L3MBTL4: variants seen among roughly 807,000 people sequenced by gnomAD.
L3MBTL4 encodes lethal(3)malignant brain tumor-like protein 4.
L3MBTL4 carries 70 observed loss-of-function variants against 84.5 expected under a neutral mutation model. The ratio of observed to expected loss-of-function variants is 0.83; its 90% CI spans 0.68 to 1.01. The LOEUF is 1.01. Ranked by LOEUF, L3MBTL4 falls within the 50% of genes least tolerant of loss-of-function variation. The pLI is 0.00. For missense variants in L3MBTL4, 715 were observed against 754.8 expected (o/e 0.95, Z 0.62); for synonymous variants, 274 against 259.8 (o/e 1.05, Z -0.52).
intron 16 of L3MBTL4, among the ~76,000 whole-genome samples, chr18:6,065,316 T>C (rs2057365910): frequency 6.6e-6 from 1 of 152,042 alleles, no homozygotes; most frequent in African/African-American, 2.4e-5. Flanking sequence ...TTTTCTTTTT[T>C]TTGTTATGTC....
At chr18:6,176,396 T>C (rs1250944477) in intron 12 of L3MBTL4, among the ~76,000 whole-genome samples, 1 of 152,102 alleles carries the variant, frequency 6.6e-6, no homozygotes, top group Non-Finnish European at 1.5e-5. Context: ...TATAAATTGA[T>C]CCATATATAT....
chr18:6,187,985 T>C (rs2044862269), intron 12 of L3MBTL4, among the ~76,000 whole-genome samples: 3 of 151,326 alleles, frequency 2.0e-5, no homozygotes, highest in Non-Finnish European at 2.9e-5. Context: ...TTCTACTTAA[T>C]TTATTTTAGA....
At chr18:6,110,324 C>T (rs967191047) in intron 14 of L3MBTL4, among the ~76,000 whole-genome samples, 5 of 151,944 alleles carry the variant, frequency 3.3e-5, no homozygotes, top group Non-Finnish European at 1.5e-5. Context: ...GCTTTTGTAT[C>T]TCTCTCTCTC....
At chr18:6,222,963 A>AATATAATATAATATAAT (rs1000759074) in intron 10 of L3MBTL4, among the ~76,000 whole-genome samples, 4 of 148,220 alleles carry the variant, frequency 2.7e-5, no homozygotes, top group African/African-American at 9.8e-5. Context: ...AATATAATAT[A>AATATAATATAATATAAT]ATATAATATA....
intron 16 of L3MBTL4, among the ~76,000 whole-genome samples, chr18:5,993,740 T>C (rs1339513819): frequency 6.6e-6 from 1 of 152,162 alleles, no homozygotes; most frequent in African/African-American, 2.4e-5. Context: ...GTAGGAAAAG[T>C]AATGAAAAAA....
intron 13 of L3MBTL4, among the ~76,000 whole-genome samples, chr18:6,139,875 T>G (rs895837935): frequency 2.0e-5 from 3 of 152,116 alleles, no homozygotes; most frequent in Non-Finnish European, 4.4e-5. Flanking sequence ...GCTTCCACTA[T>G]CTGCCCACTG....
At chr18:6,318,857 T>C (rs906385706) in intron 1 of L3MBTL4, among the ~76,000 whole-genome samples, 2 of 152,108 alleles carry the variant, frequency 1.3e-5, no homozygotes, top group Admixed American at 1.3e-4. Flanking sequence ...TGGAGCATTC[T>C]CCAAGATAGA....
chr18:6,057,792 C>T (rs948791920), intron 16 of L3MBTL4, among the ~76,000 whole-genome samples: 1 of 152,130 alleles, frequency 6.6e-6, no homozygotes, highest in Non-Finnish European at 1.5e-5. Context: ...CGGTGTACCC[C>T]CACAAGGCAG....
At chr18:6,281,549 G>C (rs1462703160) in intron 4 of L3MBTL4, among the ~76,000 whole-genome samples, 2 of 152,110 alleles carry the variant, frequency 1.3e-5, no homozygotes, top group African/African-American at 4.8e-5. Flanking sequence ...TTATTTCATG[G>C]ACCAATTACC....
chr18:6,108,793 C>G (rs2059096593), intron 14 of L3MBTL4, among the ~76,000 whole-genome samples: 1 of 152,008 alleles, frequency 6.6e-6, no homozygotes, highest in South Asian at 2.1e-4. Flanking sequence ...GAAAAAGAAA[C>G]TCAAACAATT....
intron 12 of L3MBTL4, among the ~76,000 whole-genome samples, chr18:6,191,060 G>T (rs545436347): frequency 6.6e-6 from 1 of 152,256 alleles, no homozygotes; most frequent in Admixed American, 6.5e-5. Flanking sequence ...TTATTCTTGG[G>T]GAGACAGGAA....
chr18:6,198,962 A>G (rs2045528901), intron 12 of L3MBTL4, among the ~76,000 whole-genome samples: 1 of 152,232 alleles, frequency 6.6e-6, no homozygotes, highest in Non-Finnish European at 1.5e-5. Flanking sequence ...GAAATTAATC[A>G]TTATGTAATT....
intron 3 of L3MBTL4, among the ~76,000 whole-genome samples, chr18:6,302,413 G>A (rs1004529950): frequency 5.9e-5 from 9 of 152,252 alleles, no homozygotes; most frequent in African/African-American, 2.2e-4. Flanking sequence ...TTCATAGAAT[G>A]GACAAGCGAC....
chr18:6,198,152 T>A (rs1026103116), intron 12 of L3MBTL4, among the ~76,000 whole-genome samples: 1 of 152,208 alleles, frequency 6.6e-6, no homozygotes, highest in South Asian at 2.1e-4. Flanking sequence ...GTGGCCAACA[T>A]ATCTTCACAA....
chr18:6,271,514 G>A (rs542886243), intron 4 of L3MBTL4, among the ~76,000 whole-genome samples: 2 of 152,356 alleles, frequency 1.3e-5, no homozygotes, highest in African/African-American at 4.8e-5. Context: ...CGAAAAGGTG[G>A]AGGGACCAGC....
chr18:6,334,618 T>A (rs1223424271), intron 1 of L3MBTL4, among the ~76,000 whole-genome samples: 3 of 152,200 alleles, frequency 2.0e-5, no homozygotes, highest in Non-Finnish European at 4.4e-5. Context: ...CATTGTTTTT[T>A]CTTACTAGTG....
rs1261475809 is a variant in L3MBTL4, at chr18:6,295,346, C to CTCTATATATATA, written c.127+6556_127+6557insTATATATATAGA. ...TCTCTCTCTCTCTCTCTCTCTCTCT[C>CTCTATATATATA]TATATATATATATATATATATATAT... On this transcript the variant is annotated intron_variant, in intron 4 of 18. Coordinates refer to ENST00000317931, the MANE Select transcript of L3MBTL4 (RefSeq NM_001330559.2). 1.5e-4 allele frequency among the ~76,000 whole-genome samples: 12 copies of CTCTATATATATA among 81,388 alleles called. No individual in the cohort carries two copies. In the East Asian group the frequency reaches 1.6e-3, roughly 11 times the overall value. 53.4% of individuals were successfully genotyped at this position (81,388 alleles called of 152,430 possible). A position where few individuals can be genotyped will look rare whatever the true frequency, so the allele number is the denominator to read the frequency against.
intron 16 of L3MBTL4, among the ~76,000 whole-genome samples, chr18:6,067,140 C>A (rs1227863289): frequency 6.6e-6 from 1 of 152,194 alleles, no homozygotes; most frequent in East Asian, 1.9e-4. Context: ...TCCCTTCTGG[C>A]TTGTAGGGTT....
intron 16 of L3MBTL4, among the ~76,000 whole-genome samples, chr18:6,056,056 T>TTA (rs1402263945): frequency 6.6e-6 from 1 of 152,112 alleles, no homozygotes; most frequent in Non-Finnish European, 1.5e-5. Context: ...TTCCTCTACT[T>TTA]TGTTTTAAAG....
Sources: allele counts gnomAD v4.1 joint callset (sites outside exome capture counted in the v4.1 genomes callset), GRCh38; gene constraint gnomAD v4.1.1; transcripts MANE v1.5; gene names NCBI Gene and HGNC (gene_info 2026-07-23, HGNC 2026-07-21).